Variants in CTSE observed in about 807,000 individuals in gnomAD.
CTSE encodes the protein cathepsin E, also known as erythrocyte membrane aspartic proteinase.
Under a neutral mutation model 42.8 loss-of-function variants are expected in CTSE, and 43 were observed. That is an observed-to-expected ratio of 1.01 (90% CI 0.79 to 1.30). CTSE has a LOEUF of 1.30. CTSE is among the 50% of genes most tolerant of loss of function. CTSE has a pLI of 0.00. For missense variants in CTSE, 532 were observed against 493.5 expected (o/e 1.08, Z -0.74); for synonymous variants, 205 against 191.5 (o/e 1.07, Z -0.58).
intron 4 of CTSE, among the ~76,000 whole-genome samples, chr1:206,020,122 G>A: frequency 6.9e-6 from 1 of 144,942 alleles, no homozygotes; most frequent in East Asian, 2.0e-4. Flanking sequence ...TATACAGATG[G>A]ATATATATTA....
intron 3 of CTSE, 30 bp downstream of exon 3, chr1:206,022,120 T>G: frequency 2.0e-6 from 3 of 1,480,450 alleles, no homozygotes; most frequent in Non-Finnish European, 2.8e-6. Flanking sequence ...CCCCCAGACA[T>G]TCTCTGCTGG....
At chr1:206,014,892 A>G (rs1661220100) in intron 5 of CTSE, among the ~76,000 whole-genome samples, 1 of 152,032 alleles carries the variant, frequency 6.6e-6, no homozygotes, top group African/African-American at 2.4e-5. Flanking sequence ...GAGGAAACAT[A>G]GCTTGATAGG....
rs1245402882 is a variant in CTSE, at chr1:206,022,171, A to G, written c.322T>C (p.Tyr108His). ...GSSNLWVPSV[Y>H]CTSPACKTHS... ...TTACTGCAGGCTGGGCTAGTGCAGT[A>G]CACAGAGGGGACCCAGAGGTTGGAG... is the stretch of plus-strand genomic sequence containing the variant. The change falls in exon 3 of 9, where the codon TAC (tyrosine) becomes CAC (histidine). Residue 108 changes from tyrosine to histidine, a missense_variant. Tyr to His is a moderately conservative substitution (Grantham distance 83). Coordinates refer to ENST00000358184, the MANE Select transcript of CTSE (RefSeq NM_001910.4). The G allele has an allele frequency of 6.2e-7, 1 of 1,610,498 alleles. No individual in the cohort carries two copies. The highest frequency in any genetic ancestry group is 8.5e-7 in the Non-Finnish European group (1 of 1,177,356).
chr1:206,018,641 C>T (rs933375702), intron 4 of CTSE, among the ~76,000 whole-genome samples: 4 of 151,754 alleles, frequency 2.6e-5, no homozygotes, highest in African/African-American at 9.7e-5. Flanking sequence ...TTTTGGTATG[C>T]TGTATTTCTC....
chr1:206,014,147 A>G, intron 5 of CTSE: 1 of 426,058 alleles, frequency 2.3e-6, no homozygotes, highest in Admixed American at 3.8e-5. Context: ...AAGGTTAAGG[A>G]GGTGGGAAAT....
intron 6 of CTSE, among the ~76,000 whole-genome samples, chr1:206,013,386 G>A (rs1334393886): frequency 3.9e-5 from 6 of 152,024 alleles, no homozygotes; most frequent in African/African-American, 1.4e-4. Flanking sequence ...CCATTTTACA[G>A]GATAGTGGTT....
rs1174796026 is a variant in CTSE, at chr1:206,018,781, G to A, written c.462+2268C>T. Among the ~76,000 whole-genome samples, 3 of 151,308 alleles carry A rather than the reference G, an allele frequency of 2.0e-5. No homozygotes were observed. The East Asian group carries it at 5.8e-4, about 29-fold the overall frequency. ...TATTTTCTTTCTTTTTTCTTATTTAGTCATGTGAGAGGCTAACCAATTTTA... is the reference window on the plus strand; with the variant it reads ...TATTTTCTTTCTTTTTTCTTATTTAATCATGTGAGAGGCTAACCAATTTTA... On this transcript the variant is annotated intron_variant, in intron 4 of 8. Transcript: ENST00000358184.
At chr1:206,023,120 G>T in intron 1 of CTSE, 63 bp from the exon 2 acceptor site, 1 of 1,255,298 alleles carries the variant, frequency 8.0e-7, no homozygotes, top group South Asian at 1.2e-5. Context: ...CCCCATTCTC[G>T]TCCCATTTTC....
chr1:206,022,307 G>A, intron 2 of CTSE, 40 bp from the exon 3 acceptor site: 2 of 1,464,622 alleles, frequency 1.4e-6, no homozygotes, highest in Non-Finnish European at 1.9e-6. Flanking sequence ...TGTGGGTGGT[G>A]GGGAGGGACA....
chr1:206,013,843 G>A lies in CTSE; in HGVS notation c.714C>T (p.His238=), dbSNP rs1661187898. 6.2e-7 allele frequency: 1 copy of A among 1,613,812 alleles called. No individual in the cohort carries two copies. The highest frequency in any genetic ancestry group is 8.5e-7 in the Non-Finnish European group (1 of 1,179,826). The change falls in exon 6 of 9, where the codon CAC becomes CAT. Residue 238 remains histidine (H), a synonymous_variant. Coordinates refer to ENST00000358184, the MANE Select transcript of CTSE (RefSeq NM_001910.4). ...AATTCAGGCTCCCAGAGAAATGGGA[G>A]TGGTCGTAGCCTCCAAAAATCAGCT... ...GSELIFGGYD[H]SHFSGSLNWV...
intron 8 of CTSE, 86 bp from the exon 9 acceptor site, chr1:206,010,433 G>T (rs1661060148): frequency 8.1e-7 from 1 of 1,234,254 alleles, no homozygotes; most frequent in Non-Finnish European, 1.2e-6. Context: ...GGTGGTGGTG[G>T]CTGGCACTGG....
intron 4 of CTSE, among the ~76,000 whole-genome samples, chr1:206,019,138 C>A (rs782367503): frequency 1.3e-5 from 2 of 151,960 alleles, no homozygotes; most frequent in Non-Finnish European, 2.9e-5. Context: ...GAAGCAGAAC[C>A]ATTAGGAGGT....
chr1:206,011,398 G>A (rs1279059075), intron 8 of CTSE, among the ~76,000 whole-genome samples: 1 of 152,024 alleles, frequency 6.6e-6, no homozygotes, highest in Non-Finnish European at 1.5e-5. Context: ...GAGTGTGGGT[G>A]TGCTGGGGTG....
intron 3 of CTSE, 73 bp downstream of exon 3, chr1:206,022,077 C>T (rs1300770847): frequency 9.8e-7 from 1 of 1,017,114 alleles, no homozygotes; most frequent in East Asian, 2.6e-5. Flanking sequence ...GCCCCCCTTC[C>T]CCAGAGTACC....
chr1:206,012,739 C>A, intron 6 of CTSE, 90 bp from the exon 7 acceptor site: 1 of 1,418,478 alleles, frequency 7.0e-7, no homozygotes, highest in Non-Finnish European at 9.8e-7. Context: ...ATGCCTGGAG[C>A]ACATCAATGA....
intron 5 of CTSE, 107 bp downstream of exon 5, chr1:206,015,824 A>G: frequency 1.1e-6 from 1 of 925,506 alleles, no homozygotes; most frequent in South Asian, 1.7e-5. Context: ...ACAGCTGGTA[A>G]TGGACCAAGC....
intron 5 of CTSE, 151 bp downstream of exon 5, chr1:206,015,780 A>G (rs1553277623): frequency 1.5e-6 from 1 of 671,526 alleles, no homozygotes; most frequent in African/African-American, 1.8e-5. Context: ...TTTCCTCAAT[A>G]TTCAGAGAGG....
At position 206,020,997 on chromosome 1, in the gene CTSE, A is replaced by C. The variant is rs781963974; in HGVS notation, c.462+52T>G. ...GATTTGAAATGTAAGACCTCTGAAT[A>C]AGTCTCCCAAGTTTCTGTCCAAGAG... On this transcript the variant is annotated intron_variant, in intron 4 of 8. Coordinates refer to ENST00000358184, the MANE Select transcript of CTSE (RefSeq NM_001910.4). The C allele has an allele frequency of 7.7e-6, 10 of 1,302,834 alleles. No homozygotes were observed. The African/African-American group carries it at 1.5e-4, about 19-fold the overall frequency. 80.7% of individuals were successfully genotyped at this position (1,302,834 alleles called of 1,614,324 possible).
At chr1:206,021,452 C>G (rs1661423064) in intron 3 of CTSE, 1 of 355,002 alleles carries the variant, frequency 2.8e-6, no homozygotes, top group East Asian at 5.6e-5. Context: ...CAGGCGCCAG[C>G]CACAGTCCCT....
Sources: allele counts gnomAD v4.1 joint callset (sites outside exome capture counted in the v4.1 genomes callset), GRCh38; gene constraint gnomAD v4.1.1; transcripts MANE v1.5; gene names NCBI Gene and HGNC (gene_info 2026-07-23, HGNC 2026-07-21).